Variants in MAPKAPK3 observed in about 807,000 individuals in gnomAD.
The protein encoded by MAPKAPK3 is MAPK activated protein kinase 3, also known as MAP kinase-activated protein kinase 3.
MAPKAPK3 carries 35 observed loss-of-function variants against 49.2 expected under a neutral mutation model. The observed-to-expected ratio is 0.71, with a 90% CI of 0.54 to 0.94. The LOEUF is 0.94. Ranked by LOEUF, MAPKAPK3 falls within the 40% of genes least tolerant of loss-of-function variation. The pLI is 0.00. For missense variants in MAPKAPK3, 398 were observed against 493.1 expected (o/e 0.81, Z 1.83); for synonymous variants, 178 against 188.7 (o/e 0.94, Z 0.46).
chr3:50,644,621 G>A, intron 6 of MAPKAPK3, 89 bp downstream of exon 6: 1 of 1,412,580 alleles, frequency 7.1e-7, no homozygotes, highest in Non-Finnish European at 9.7e-7. Flanking sequence ...AAACCAAAGG[G>A]TTAAAGCCCA....
chr3:50,623,908 C>T (rs2032670934), intron 2 of MAPKAPK3, among the ~76,000 whole-genome samples: 1 of 152,226 alleles, frequency 6.6e-6, no homozygotes, highest in South Asian at 2.1e-4. Context: ...GTGATGCTGC[C>T]AGTGTCTACC....
upstream of MAPKAPK3, among the ~76,000 whole-genome samples, chr3:50,614,521 G>A (rs906209944): frequency 6.6e-6 from 1 of 151,470 alleles, no homozygotes; most frequent in African/African-American, 2.4e-5. Flanking sequence ...GTGTGTGTGT[G>A]TGTGTGTGTG....
upstream of MAPKAPK3, among the ~76,000 whole-genome samples, chr3:50,616,216 T>C (rs1441265595): frequency 2.0e-5 from 3 of 152,106 alleles, no homozygotes; most frequent in Admixed American, 2.0e-4. Context: ...GGGAGTGATG[T>C]GATGTGCGCA....
chr3:50,620,838 C>T (rs1254753605), intron 2 of MAPKAPK3, among the ~76,000 whole-genome samples: 4 of 152,152 alleles, frequency 2.6e-5, no homozygotes, highest in Middle Eastern at 3.2e-3. Context: ...ATGGGCCAGG[C>T]GGTCCTCCAG....
chr3:50,630,700 G>A (rs1342935881), intron 2 of MAPKAPK3, among the ~76,000 whole-genome samples: 1 of 152,226 alleles, frequency 6.6e-6, no homozygotes, highest in Non-Finnish European at 1.5e-5. Context: ...GGTGTTGTGG[G>A]GATGAGTGCC....
chr3:50,619,078 A>T (rs1402520361), intron 2 of MAPKAPK3, among the ~76,000 whole-genome samples: 2 of 152,188 alleles, frequency 1.3e-5, no homozygotes, highest in Non-Finnish European at 2.9e-5. Context: ...ATGACCTTGG[A>T]TGATATCCTA....
chr3:50,638,682 G>T (rs2033100503), intron 2 of MAPKAPK3, among the ~76,000 whole-genome samples: 1 of 152,214 alleles, frequency 6.6e-6, no homozygotes, highest in African/African-American at 2.4e-5. Context: ...GCAGGCTCGA[G>T]AAACCACTGC....
upstream of MAPKAPK3, chr3:50,611,793 C>T (rs1180661156): frequency 9.4e-6 from 11 of 1,172,928 alleles, no homozygotes; most frequent in Non-Finnish European, 1.2e-5. Flanking sequence ...GTGGCGCGGA[C>T]CGCCTGCGAG....
intron 2 of MAPKAPK3, among the ~76,000 whole-genome samples, chr3:50,635,743 G>T (rs2033022043): frequency 6.6e-6 from 1 of 151,416 alleles, no homozygotes; most frequent in South Asian, 2.1e-4. Context: ...CCTCATGATA[G>T]GTTGTGAGAG....
At chr3:50,616,906 T>A (rs1211992901), upstream of MAPKAPK3, among the ~76,000 whole-genome samples, 6 of 151,924 alleles carry the variant, frequency 3.9e-5, no homozygotes, top group Admixed American at 3.9e-4. Flanking sequence ...AGTAGCGGAC[T>A]GCCAGTACAG....
intron 2 of MAPKAPK3, among the ~76,000 whole-genome samples, chr3:50,627,054 C>T (rs918760966): frequency 6.6e-6 from 1 of 152,032 alleles, no homozygotes. Context: ...TGAGGTGGCA[C>T]ATGCTTGTAA....
At chr3:50,638,327 G>C (rs965647111) in intron 2 of MAPKAPK3, among the ~76,000 whole-genome samples, 3 of 152,156 alleles carry the variant, frequency 2.0e-5, no homozygotes, top group African/African-American at 7.2e-5. Context: ...GGTACCCCTA[G>C]CTAGGGCCGC....
intron 2 of MAPKAPK3, among the ~76,000 whole-genome samples, chr3:50,626,311 G>A (rs758955652): frequency 4.6e-5 from 7 of 152,176 alleles, no homozygotes; most frequent in Non-Finnish European, 8.8e-5. Flanking sequence ...GAGGGCTCAA[G>A]GTATGAGGTG....
At chr3:50,621,237 C>T (rs189003093) in intron 2 of MAPKAPK3, among the ~76,000 whole-genome samples, 2 of 152,244 alleles carry the variant, frequency 1.3e-5, no homozygotes, top group East Asian at 3.9e-4. Flanking sequence ...GCAGGAGGAT[C>T]ATTTGAGTCC....
intron 2 of MAPKAPK3, among the ~76,000 whole-genome samples, chr3:50,638,413 G>A (rs1221275903): frequency 6.6e-6 from 1 of 152,168 alleles, no homozygotes; most frequent in African/African-American, 2.4e-5. Context: ...TGGTGATTGG[G>A]AATTGTGCGG....
At chr3:50,620,248 A>G (rs1399016143) in intron 2 of MAPKAPK3, among the ~76,000 whole-genome samples, 2 of 152,050 alleles carry the variant, frequency 1.3e-5, no homozygotes, top group African/African-American at 4.8e-5. Context: ...ACCTCAGTAC[A>G]TGGGCAGGCC....
chr3:50,621,706 G>C (rs1018657537), intron 2 of MAPKAPK3, among the ~76,000 whole-genome samples: 1 of 151,962 alleles, frequency 6.6e-6, no homozygotes, highest in African/African-American at 2.4e-5. Flanking sequence ...CTAGGGGTTT[G>C]AGGCTGCAGT....
chr3:50,637,584 A>G (rs1260536385), intron 2 of MAPKAPK3, among the ~76,000 whole-genome samples: 1 of 150,940 alleles, frequency 6.6e-6, no homozygotes, highest in Non-Finnish European at 1.5e-5. Context: ...GTGAGCCGAG[A>G]TCGTGCCACT....
At chr3:50,633,441 C>T (rs982484867) in intron 2 of MAPKAPK3, among the ~76,000 whole-genome samples, 11 of 152,050 alleles carry the variant, frequency 7.2e-5, no homozygotes, top group African/African-American at 2.7e-4. Flanking sequence ...CACACACACA[C>T]ACCCACATGC....
Sources: gnomAD v4.1 joint callset for allele counts (sites outside exome capture counted in the v4.1 genomes callset) on GRCh38, gnomAD v4.1.1 for gene constraint, MANE v1.5 for transcripts, NCBI Gene and HGNC (gene_info 2026-07-23, HGNC 2026-07-21) for gene names.